The following NCKAP5 variants were observed in gnomAD, a reference collection of about 807,000 sequenced individuals.
NCKAP5 encodes nck-associated protein 5.
A neutral mutation model predicts 167.0 loss-of-function variants in NCKAP5; 92 were observed. The ratio of observed to expected loss-of-function variants is 0.55; its 90% CI spans 0.47 to 0.66. NCKAP5 has a LOEUF of 0.66. NCKAP5 is among the 30% of genes least tolerant of loss of function. The pLI is 0.00. For missense variants in NCKAP5, 2,378 were observed against 2,315.0 expected, an observed-to-expected ratio of 1.03 and a Z score of -0.56; for synonymous variants, 891 against 877.4, an observed-to-expected ratio of 1.02 and a Z score of -0.27.
intron 19 of NCKAP5, among the ~76,000 whole-genome samples, chr2:132,684,843 A>C (rs1286306132): frequency 1.3e-5 from 2 of 152,160 alleles, no homozygotes; most frequent in Non-Finnish European, 2.9e-5. Flanking sequence ...GCACTGCTTG[A>C]ATAGAAGCTA....
rs868823003 is a variant in NCKAP5 at position 132,782,222 on chromosome 2, G to A, written c.4589C>T (p.Thr1530Ile). 3.7e-6 allele frequency: 6 copies of A among 1,613,516 alleles called. No homozygotes were observed. The highest frequency in any genetic ancestry group is 1.7e-5 in the Admixed American group (1 of 59,984). Residue 1530 changes from threonine to isoleucine, a missense_variant, in exon 14 of 20, where the codon ACC (threonine) becomes ATC (isoleucine). Around this residue, in one of 3 missense-constraint regions of NCKAP5, gnomAD observed 1,325 missense variants for 1,274.5 expected, o/e 1.04. Transcript: ENST00000409261. ...TTTTGCATCTTTCTTTTCTACTTTG[G>A]TTTTGGAGATGTCCATTTTCCTGCT... ...LSSRKMDISK[T>I]KVEKKDAKVL...
intron 4 of NCKAP5, among the ~76,000 whole-genome samples, chr2:133,227,361 C>CA (rs1466465749): frequency 6.6e-6 from 1 of 152,196 alleles, no homozygotes; most frequent in Non-Finnish European, 1.5e-5. Context: ...GTATAAGATG[C>CA]TACCTCAGTG....
At chr2:133,263,875 C>T (rs911657278) in intron 4 of NCKAP5, among the ~76,000 whole-genome samples, 4 of 152,254 alleles carry the variant, frequency 2.6e-5, no homozygotes, top group Non-Finnish European at 4.4e-5. Context: ...CTTCATTTCT[C>T]AAGTAAATAT....
chr2:133,345,130 T>C (rs911826596), intron 3 of NCKAP5, among the ~76,000 whole-genome samples: 3 of 152,008 alleles, frequency 2.0e-5, no homozygotes, highest in African/African-American at 7.2e-5. Flanking sequence ...TGTTAAGCTC[T>C]CCCTATTTCT....
At chr2:132,892,781 C>T (rs1381090698) in intron 8 of NCKAP5, among the ~76,000 whole-genome samples, 1 of 151,930 alleles carries the variant, frequency 6.6e-6, no homozygotes, top group Non-Finnish European at 1.5e-5. Context: ...CTTTGTGTTG[C>T]AGAGATAGTT....
At position 133,496,073 on chromosome 2, in the gene NCKAP5, G is replaced by C. The variant is rs530177353; in HGVS notation, c.69+21385C>G. The stretch of plus-strand genomic sequence containing the variant: ...GGAGATGATGATGTTAGTAAACCAG[G>C]TCAACTTTTTGACATTATTTACAGA... On this transcript the variant is annotated intron_variant, in intron 3 of 19. Coordinates refer to ENST00000409261, the MANE Select transcript of NCKAP5 (RefSeq NM_207363.3). Among the ~76,000 whole-genome samples, 311 of 152,232 alleles carry C rather than the reference G, an allele frequency of 2.0e-3. 2 individuals carry two copies. The highest frequency in any genetic ancestry group is 2.6e-3 in the Admixed American group (39 of 15,280).
Position 132,825,304 on chromosome 2 carries a change from T to A in NCKAP5, c.808-28575A>T, listed in dbSNP as rs539658609. On this transcript the variant is annotated intron_variant, in intron 11 of 19. Transcript: ENST00000409261. ...TTAATATGAACTTCCAGGATGACCA[T>A]CCACAAAAATTTAATGCATGATAAT... is the stretch of plus-strand genomic sequence containing the variant. Among the ~76,000 whole-genome samples the A allele has an allele frequency of 6.2e-4, 95 of 152,222 alleles. 1 individual carries two copies. The highest frequency in any genetic ancestry group is 2.0e-3 in the African/African-American group (81 of 41,520).
At chr2:132,989,294 T>C (rs1392541549) in intron 7 of NCKAP5, among the ~76,000 whole-genome samples, 2 of 152,206 alleles carry the variant, frequency 1.3e-5, no homozygotes, top group Non-Finnish European at 2.9e-5. Flanking sequence ...CCCCCTTTCA[T>C]GTCTAATTGT....
rs1680008751 is a variant in NCKAP5, at chr2:133,477,326, T to C, written c.69+40132A>G. ...TCTGACTATTGCTTTCAGCTTGCCA[T>C]TGGAGAGCTGTATCCTCCCTTTGAT... On this transcript the variant is annotated intron_variant, in intron 3 of 19. Coordinates refer to ENST00000409261, the MANE Select transcript of NCKAP5 (RefSeq NM_207363.3). 2.0e-5 allele frequency among the ~76,000 whole-genome samples: 3 copies of C among 152,228 alleles called. No homozygotes were observed. The South Asian group carries it at 6.2e-4, about 32-fold the overall frequency.
chr2:133,321,100 A>G (rs1239016639), intron 3 of NCKAP5, among the ~76,000 whole-genome samples: 3 of 152,154 alleles, frequency 2.0e-5, no homozygotes, highest in African/African-American at 7.2e-5. Context: ...TCACTGACCC[A>G]TGTCTTGCCT....
chr2:132,848,823 G>A (rs187067617), intron 11 of NCKAP5, among the ~76,000 whole-genome samples: 1 of 152,248 alleles, frequency 6.6e-6, no homozygotes, highest in African/African-American at 2.4e-5. Flanking sequence ...AACATAGTGA[G>A]ACCTTGTCTC....
intron 19 of NCKAP5, among the ~76,000 whole-genome samples, chr2:132,713,491 G>C (rs1474108864): frequency 1.3e-5 from 2 of 152,144 alleles, no homozygotes; most frequent in East Asian, 3.8e-4. Context: ...TGGGTATTTA[G>C]GTCCTTCCAC....
chr2:132,856,992 G>A (rs1689522998), intron 11 of NCKAP5, among the ~76,000 whole-genome samples: 1 of 152,188 alleles, frequency 6.6e-6, no homozygotes, highest in Non-Finnish European at 1.5e-5. Context: ...TAAAACGGGT[G>A]CAATGATAGG....
chr2:133,190,349 C>A (rs1175038747), intron 5 of NCKAP5, among the ~76,000 whole-genome samples: 1 of 152,158 alleles, frequency 6.6e-6, no homozygotes, highest in African/African-American at 2.4e-5. Context: ...GCCATACTGC[C>A]CAAGGTAAAT....
In NCKAP5 at chr2:132,689,064, C is replaced by T. The variant is rs1161468188; in HGVS notation, c.5714-15759G>A. Among the ~76,000 whole-genome samples, 6 of 151,670 alleles carry T rather than the reference C, an allele frequency of 4.0e-5. No homozygotes were observed. The East Asian group carries it at 9.7e-4, about 24-fold the overall frequency. On this transcript the variant is annotated intron_variant, in intron 19 of 19. Coordinates refer to ENST00000409261, the MANE Select transcript of NCKAP5 (RefSeq NM_207363.3). ...TCCTACTTTGGTTGAACTCCCTACCCAGAATGGAAGGTTTGCTGGAGGCAA... is the reference window on the plus strand; with the variant it reads ...TCCTACTTTGGTTGAACTCCCTACCTAGAATGGAAGGTTTGCTGGAGGCAA...
chr2:133,121,208 AG>A (rs1181223626), intron 6 of NCKAP5, among the ~76,000 whole-genome samples: 1 of 152,202 alleles, frequency 6.6e-6, no homozygotes, highest in African/African-American at 2.4e-5. Flanking sequence ...CCAATATTAT[AG>A]GTCTTTAACG....
chr2:133,327,996 GT>G (rs1242540395), intron 3 of NCKAP5, among the ~76,000 whole-genome samples: 1 of 152,018 alleles, frequency 6.6e-6, no homozygotes, highest in Non-Finnish European at 1.5e-5. Flanking sequence ...GCCCCAAGTA[GT>G]GCCCAGGTTG....
chr2:132,938,425 C>T (rs915568680), intron 8 of NCKAP5, among the ~76,000 whole-genome samples: 2 of 152,180 alleles, frequency 1.3e-5, no homozygotes, highest in African/African-American at 4.8e-5. Context: ...CAGAGTAATC[C>T]ATGACCCATG....
At chr2:133,306,703 T>A in intron 3 of NCKAP5, among the ~76,000 whole-genome samples, 1 of 152,232 alleles carries the variant, frequency 6.6e-6, no homozygotes, top group Admixed American at 6.5e-5. Context: ...CCTGTGATTC[T>A]TATTATGAGG....
Sources: gnomAD v4.1 joint callset for allele counts (sites outside exome capture counted in the v4.1 genomes callset) on GRCh38, gnomAD v4.1.1 for gene constraint, gnomAD v4.1.1 regional missense constraint, MANE v1.5 for transcripts, NCBI Gene and HGNC (gene_info 2026-07-23, HGNC 2026-07-21) for gene names.